DCPS: variants seen among roughly 807,000 people sequenced by gnomAD.
DCPS encodes m7GpppX diphosphatase.
DCPS carries 27 observed loss-of-function variants against 34.7 expected under a neutral mutation model. The observed-to-expected ratio is 0.78, with a 90% CI of 0.57 to 1.07. The LOEUF (loss-of-function observed/expected upper bound fraction) is 1.07. Ranked by LOEUF, DCPS falls within the 50% of genes least tolerant of loss-of-function variation. The pLI is 0.00. For missense variants in DCPS, 464 were observed against 436.9 expected (o/e 1.06, Z -0.55); for synonymous variants, 185 against 185.7 (o/e 1.00, Z 0.03).
In DCPS at chr11:126,345,334, CCT is replaced by C. The variant is rs762236496; in HGVS notation, c.748-12_748-11del. 12 of 1,613,236 alleles carry C rather than the reference CCT, an allele frequency of 7.4e-6. No individual in the cohort carries two copies. Among genetic ancestry groups the C allele is most frequent in the Middle Eastern group, 1.6e-4 (1 of 6,078 alleles). On this transcript the variant is annotated splice_polypyrimidine_tract_variant and intron_variant, in intron 5 of 5. Coordinates refer to ENST00000263579, the MANE Select transcript of DCPS (RefSeq NM_014026.6). The surrounding 1 kb of genome is among the most constrained non-coding windows in gnomAD (Gnocchi z 7.4). ...CACGGTGACTCCTGACCTGCCTGCC[CCT>C]GTCTCATCAGGAGGCCATCCTGCAG...
At chr11:126,326,262 C>T (rs1374712371) in intron 2 of DCPS, among the ~76,000 whole-genome samples, 1 of 152,210 alleles carries the variant, frequency 6.6e-6, no homozygotes, top group East Asian at 1.9e-4. Context: ...TGCCCTCAGT[C>T]CACTTGCCAG....
rs1951749599 is a variant in DCPS at position 126,327,415 on chromosome 11, C to T, written c.377-3990C>T. ...GCAGGGGTGACGGTGACGCCCATGG[C>T]CTGGCCGAGGTGGTAGCCTTTTGCT... On this transcript the variant is annotated intron_variant, in intron 2 of 5. Coordinates refer to ENST00000263579, the MANE Select transcript of DCPS (RefSeq NM_014026.6). The surrounding 1 kb of genome is among the most constrained non-coding windows in gnomAD (Gnocchi z 4.1). Among the ~76,000 whole-genome samples, 1 of 152,196 alleles carries T rather than the reference C, an allele frequency of 6.6e-6. No homozygotes were observed. The highest frequency in any genetic ancestry group is 2.1e-4 in the South Asian group (1 of 4,838).
In DCPS at chr11:126,345,416, T is replaced by C. The variant is rs138032360; in HGVS notation, c.817T>C (p.Tyr273His). Residue 273 changes from tyrosine (Y) to histidine (H), a missense_variant, in exon 6 of 6, where the codon TAC (tyrosine) becomes CAC (histidine). Tyr to His is a moderately conservative substitution (Grantham distance 83). Coordinates refer to ENST00000263579, the MANE Select transcript of DCPS (RefSeq NM_014026.6). The surrounding 1 kb of genome is among the most constrained non-coding windows in gnomAD (Gnocchi z 7.4). ...LRVYLHYLPS[Y>H]YHLHVHFTAL... ...AGTATACCTGCACTACCTGCCCTCCTACTACCACCTGCATGTGCACTTCAC... is the reference window on the plus strand; with the variant it reads ...AGTATACCTGCACTACCTGCCCTCCCACTACCACCTGCATGTGCACTTCAC... 3 of 1,614,056 alleles carry C rather than the reference T, an allele frequency of 1.9e-6. No individual in the cohort carries two copies. The highest frequency in any genetic ancestry group is 1.3e-5 in the African/African-American group (1 of 74,926).
chr11:126,304,296 C>T lies in DCPS; in HGVS notation c.201+15C>T. On this transcript the variant is annotated intron_variant, in intron 1 of 5. Transcript: ENST00000263579. ...TACACGGGAAGGTACCAGGAGGCAA[C>T]CCTGAGGTGGGATGCGGGAAGCAGT... The T allele has an allele frequency of 1.9e-6, 3 of 1,613,346 alleles. No individual in the cohort carries two copies. Among genetic ancestry groups the T allele is most frequent in the Non-Finnish European group, 2.5e-6 (3 of 1,179,566 alleles).
At position 126,332,473 on chromosome 11, in the gene DCPS, A is replaced by G. The variant is rs577591955; in HGVS notation, c.522+923A>G. The stretch of plus-strand genomic sequence containing the variant: ...TCACTCACCCTTGTTCTCTTCGAGC[A>G]TTTCTCACTTTTCTCCCCAAGATTC... On this transcript the variant is annotated intron_variant, in intron 3 of 5. Coordinates refer to ENST00000263579, the MANE Select transcript of DCPS (RefSeq NM_014026.6). This position sits in a 1 kb window ranked among gnomAD's most constrained non-coding sequence, Gnocchi z 5.4. Among the ~76,000 whole-genome samples, 2 of 152,166 alleles carry G rather than the reference A, an allele frequency of 1.3e-5. No homozygotes were observed. Among genetic ancestry groups the G allele is most frequent in the Non-Finnish European group, 2.9e-5 (2 of 68,026 alleles).
Position 126,313,613 on chromosome 11 carries a change from A to G in DCPS, c.376+6869A>G, listed in dbSNP as rs1951634910. ...CGATTAAAATGGTACAAAGTTGAAA[A>G]ACAAGCAGAACTGAACAATATACTG... On this transcript the variant is annotated intron_variant, in intron 2 of 5. Coordinates refer to ENST00000263579, the MANE Select transcript of DCPS (RefSeq NM_014026.6). The surrounding 1 kb of genome is among the most constrained non-coding windows in gnomAD (Gnocchi z 4.9). 1.3e-5 allele frequency among the ~76,000 whole-genome samples: 2 copies of G among 152,174 alleles called. No individual in the cohort carries two copies. The highest frequency in any genetic ancestry group is 4.8e-5 in the African/African-American group (2 of 41,442).
In DCPS at chr11:126,322,826, A is replaced by G. The variant is rs113226459; in HGVS notation, c.377-8579A>G. ...CCAGTCTATCCTAAAATTCTTTAGCAAGAAGCAAAAAAATTTTTTTGAGAC... is the reference window on the plus strand; with the variant it reads ...CCAGTCTATCCTAAAATTCTTTAGCGAGAAGCAAAAAAATTTTTTTGAGAC... On this transcript the variant is annotated intron_variant, in intron 2 of 5. Transcript: ENST00000263579. The surrounding 1 kb of genome is among the most constrained non-coding windows in gnomAD (Gnocchi z 4.2). Among the ~76,000 whole-genome samples, 13 of 152,218 alleles carry G rather than the reference A, an allele frequency of 8.5e-5. No individual in the cohort carries two copies. Among genetic ancestry groups the G allele is most frequent in the African/African-American group, 3.1e-4 (13 of 41,546 alleles).
Position 126,343,243 on chromosome 11 carries a change from A to G in DCPS, c.637-64A>G, listed in dbSNP as rs532025996. Reference sequence around the variant, plus strand: ...GCTTCCTGGCTTACGTGAGAACTCCAGGGTTGGCAGCCTCCCCAGGTCTGT... The same window carrying G: ...GCTTCCTGGCTTACGTGAGAACTCCGGGGTTGGCAGCCTCCCCAGGTCTGT... On this transcript the variant is annotated intron_variant, in intron 4 of 5. Transcript: ENST00000263579. 2.3e-5 allele frequency: 32 copies of G among 1,410,338 alleles called. No individual in the cohort carries two copies. The South Asian group carries it at 3.8e-4, about 17-fold the overall frequency. The allele number at this position is 1,410,338 out of a possible 1,614,324, so 87.4% of individuals were successfully genotyped here. A position where few individuals can be genotyped will look rare whatever the true frequency, so the allele number is the denominator to read the frequency against.
Position 126,338,468 on chromosome 11 carries a change from C to A in DCPS, c.636+69C>A. On this transcript the variant is annotated intron_variant, in intron 4 of 5. Coordinates refer to ENST00000263579, the MANE Select transcript of DCPS (RefSeq NM_014026.6). The surrounding 1 kb of genome is among the most constrained non-coding windows in gnomAD (Gnocchi z 5.4). Reference sequence around the variant, plus strand: ...CTGTAAGTGCTGGTCCTTCTGACTGCCCTCTTTCTCACGCTGGCCTGTCTC... The same window carrying A: ...CTGTAAGTGCTGGTCCTTCTGACTGACCTCTTTCTCACGCTGGCCTGTCTC... 1 of 1,399,470 alleles carries A rather than the reference C, an allele frequency of 7.1e-7. No individual in the cohort carries two copies. Among genetic ancestry groups the A allele is most frequent in the Non-Finnish European group, 1.0e-6 (1 of 985,930 alleles). The allele number at this position is 1,399,470 out of a possible 1,614,324, so 86.7% of individuals were successfully genotyped here.
rs1240261862 is a variant in DCPS at position 126,304,324 on chromosome 11, A to G, written c.201+43A>G. 8 of 1,602,506 alleles carry G rather than the reference A, an allele frequency of 5.0e-6. 1 individual carries two copies. The highest frequency in any genetic ancestry group is 6.0e-6 in the Non-Finnish European group (7 of 1,172,858). ...TGAGGTGGGATGCGGGAAGCAGTGAACCAATCATCGCCTCGGAGGCAGATT... is the reference window on the plus strand; with the variant it reads ...TGAGGTGGGATGCGGGAAGCAGTGAGCCAATCATCGCCTCGGAGGCAGATT... On this transcript the variant is annotated intron_variant, in intron 1 of 5. Transcript: ENST00000263579.
Position 126,338,488 on chromosome 11 carries a change from T to G in DCPS, c.636+89T>G. Reference sequence around the variant, plus strand: ...GACTGCCCTCTTTCTCACGCTGGCCTGTCTCTAAGCAGATTATAATTAACC... The same window carrying G: ...GACTGCCCTCTTTCTCACGCTGGCCGGTCTCTAAGCAGATTATAATTAACC... On this transcript the variant is annotated intron_variant, in intron 4 of 5. Transcript: ENST00000263579. The surrounding 1 kb of genome is among the most constrained non-coding windows in gnomAD (Gnocchi z 5.4). 1 of 1,196,204 alleles carries G rather than the reference T, an allele frequency of 8.4e-7. No homozygotes were observed. Among genetic ancestry groups the G allele is most frequent in the Non-Finnish European group, 1.2e-6 (1 of 807,322 alleles). 74.1% of individuals were successfully genotyped at this position (1,196,204 alleles called of 1,614,324 possible).
rs1396463157 is a variant in DCPS at position 126,322,594 on chromosome 11, TC to T, written c.377-8809del. Reference sequence around the variant, plus strand: ...TCAGATTTTCTTTCTATCCTAAAATTCCTTTTTTTTTTTTTTTGAGACGAAG... The same window carrying T: ...TCAGATTTTCTTTCTATCCTAAAATTCTTTTTTTTTTTTTTTGAGACGAAG... On this transcript the variant is annotated intron_variant, in intron 2 of 5. Transcript: ENST00000263579. The surrounding 1 kb of genome is among the most constrained non-coding windows in gnomAD (Gnocchi z 4.2). Among the ~76,000 whole-genome samples, 1 of 148,576 alleles carries T rather than the reference TC, an allele frequency of 6.7e-6. No homozygotes were observed. The highest frequency in any genetic ancestry group is 6.7e-5 in the Admixed American group (1 of 14,956).
At position 126,323,765 on chromosome 11, in the gene DCPS, C is replaced by T. The variant is rs1285220068; in HGVS notation, c.377-7640C>T. On this transcript the variant is annotated intron_variant, in intron 2 of 5. Coordinates refer to ENST00000263579, the MANE Select transcript of DCPS (RefSeq NM_014026.6). This position sits in a 1 kb window ranked among gnomAD's most constrained non-coding sequence, Gnocchi z 4.4. ...TGTTGCCCAGGCTGGTCTCGAACTCCTGGGCTCAGGTGATCCAAAGTGCTA... is the reference window on the plus strand; with the variant it reads ...TGTTGCCCAGGCTGGTCTCGAACTCTTGGGCTCAGGTGATCCAAAGTGCTA... Among the ~76,000 whole-genome samples, 2 of 152,116 alleles carry T rather than the reference C, an allele frequency of 1.3e-5. No individual in the cohort carries two copies. Among genetic ancestry groups the T allele is most frequent in the Non-Finnish European group, 2.9e-5 (2 of 68,022 alleles).
At position 126,327,982 on chromosome 11, in the gene DCPS, C is replaced by T. The variant is rs1951753229; in HGVS notation, c.377-3423C>T. Among the ~76,000 whole-genome samples, 1 of 152,200 alleles carries T rather than the reference C, an allele frequency of 6.6e-6. No homozygotes were observed. Among genetic ancestry groups the T allele is most frequent in the Non-Finnish European group, 1.5e-5 (1 of 68,036 alleles). Reference sequence around the variant, plus strand: ...CCCCGAGGTTAGGGCTGCTGTTTTACCAGAGCTGACCGAGCCTGAGGAGCT... The same window carrying T: ...CCCCGAGGTTAGGGCTGCTGTTTTATCAGAGCTGACCGAGCCTGAGGAGCT... On this transcript the variant is annotated intron_variant, in intron 2 of 5. Transcript: ENST00000263579. This position sits in a 1 kb window ranked among gnomAD's most constrained non-coding sequence, Gnocchi z 4.1.
rs1177335027 is a variant in DCPS at position 126,345,452 on chromosome 11, T to A, written c.853T>A (p.Phe285Ile). The A allele has an allele frequency of 2.5e-6, 4 of 1,614,202 alleles. No homozygotes were observed. Among genetic ancestry groups the A allele is most frequent in the Non-Finnish European group, 3.4e-6 (4 of 1,180,034 alleles). ...HLHVHFTALG[F>I]EAPGSGVERA... Reference sequence around the variant, plus strand: ...GCATGTGCACTTCACCGCCCTGGGCTTCGAGGCCCCCGGCTCAGGCGTGGA... The same window carrying A: ...GCATGTGCACTTCACCGCCCTGGGCATCGAGGCCCCCGGCTCAGGCGTGGA... Residue 285 changes from phenylalanine (F) to isoleucine (I), a missense_variant, in exon 6 of 6, where the codon TTC becomes ATC. Coordinates refer to ENST00000263579, the MANE Select transcript of DCPS (RefSeq NM_014026.6). The surrounding 1 kb of genome is among the most constrained non-coding windows in gnomAD (Gnocchi z 7.4).
At chr11:126,308,878 T>C (rs1951595926) in intron 2 of DCPS, among the ~76,000 whole-genome samples, 1 of 152,104 alleles carries the variant, frequency 6.6e-6, no homozygotes, top group Non-Finnish European at 1.5e-5. Flanking sequence ...GTTTCTATTG[T>C]TTTTCCCAAG....
Position 126,332,850 on chromosome 11 carries a change from C to T in DCPS, c.522+1300C>T, listed in dbSNP as rs1951803465. Among the ~76,000 whole-genome samples the T allele has an allele frequency of 1.3e-5, 2 of 152,314 alleles. No individual in the cohort carries two copies. Among genetic ancestry groups the T allele is most frequent in the South Asian group, 4.1e-4 (2 of 4,822 alleles). On this transcript the variant is annotated intron_variant, in intron 3 of 5. Coordinates refer to ENST00000263579, the MANE Select transcript of DCPS (RefSeq NM_014026.6). The surrounding 1 kb of genome is among the most constrained non-coding windows in gnomAD (Gnocchi z 5.4). Reference sequence around the variant, plus strand: ...TCCAAGTGAAAAGGAACTATATCTCCACCTTCTTAGAGTTTCTGCTGTTCA... The same window carrying T: ...TCCAAGTGAAAAGGAACTATATCTCTACCTTCTTAGAGTTTCTGCTGTTCA...
chr11:126,326,248 G>A (rs1440331789), intron 2 of DCPS, among the ~76,000 whole-genome samples: 1 of 152,232 alleles, frequency 6.6e-6, no homozygotes, highest in Non-Finnish European at 1.5e-5. Context: ...TCCTGAGCAG[G>A]CGGTGCCCTC....
At chr11:126,310,468 A>G (rs907270353) in intron 2 of DCPS, among the ~76,000 whole-genome samples, 6 of 152,158 alleles carry the variant, frequency 3.9e-5, no homozygotes, top group African/African-American at 1.4e-4. Flanking sequence ...TTGCCCTCAC[A>G]GTCTTGTTTG....
Sources: allele counts gnomAD v4.1 joint callset (sites outside exome capture counted in the v4.1 genomes callset), GRCh38; gene constraint gnomAD v4.1.1; non-coding constraint Gnocchi (gnomAD v3.1); transcripts MANE v1.5; gene names NCBI Gene and HGNC (gene_info 2026-07-23, HGNC 2026-07-21).